Variants in THSD7B observed in about 807,000 individuals in gnomAD.
The protein encoded by THSD7B is thrombospondin type 1 domain containing 7B, also known as thrombospondin type-1 domain-containing protein 7B.
THSD7B carries 138 observed loss-of-function variants against 213.6 expected under a neutral mutation model. That is an observed-to-expected ratio of 0.65 (90% CI 0.56 to 0.74). The LOEUF (loss-of-function observed/expected upper bound fraction) is 0.74. Among genes scored for constraint, THSD7B ranks in the 30% least tolerant of loss-of-function variants. The pLI is 0.00. For synonymous variants in THSD7B, 742 were observed against 687.0 expected (o/e 1.08, Z -1.25); for missense variants, 1,931 against 1,991.5 (o/e 0.97, Z 0.58).
intron 7 of THSD7B, among the ~76,000 whole-genome samples, chr2:137,218,186 T>C (rs1250487089): frequency 1.3e-5 from 2 of 152,160 alleles, no homozygotes; most frequent in African/African-American, 4.8e-5. Flanking sequence ...ATGTTTCTTT[T>C]TTATTTTAAT....
intron 2 of THSD7B, among the ~76,000 whole-genome samples, chr2:136,969,714 C>T (rs1026960289): frequency 1.3e-5 from 2 of 152,118 alleles, no homozygotes; most frequent in Admixed American, 1.3e-4. Context: ...AGAAGATTTT[C>T]TTTATAGAAA....
chr2:137,354,023 A>G (rs865924321), intron 12 of THSD7B, among the ~76,000 whole-genome samples: 18 of 152,010 alleles, frequency 1.2e-4, no homozygotes, highest in African/African-American at 3.9e-4. Context: ...TCTGTCCCAG[A>G]CTAATCCTGT....
intron 15 of THSD7B, among the ~76,000 whole-genome samples, chr2:137,502,411 AAGAG>A (rs1191941038): frequency 6.6e-6 from 1 of 152,102 alleles, no homozygotes; most frequent in African/African-American, 2.4e-5. Flanking sequence ...TGGATAGAAA[AAGAG>A]AGAAAAACAA....
intron 1 of THSD7B, among the ~76,000 whole-genome samples, chr2:136,864,321 A>T (rs1683299199): frequency 6.6e-6 from 1 of 152,202 alleles, no homozygotes; most frequent in South Asian, 2.1e-4. Flanking sequence ...TGCAAAATTC[A>T]AGTAGTCTGA....
At chr2:136,966,471 C>T (rs905522041) in intron 2 of THSD7B, among the ~76,000 whole-genome samples, 1 of 152,188 alleles carries the variant, frequency 6.6e-6, no homozygotes, top group African/African-American at 2.4e-5. Context: ...CCCAGCTCAG[C>T]CTCCAAAAGT....
intron 2 of THSD7B, among the ~76,000 whole-genome samples, chr2:136,924,012 C>T (rs1684481052): frequency 1.3e-5 from 2 of 152,194 alleles, no homozygotes; most frequent in Non-Finnish European, 2.9e-5. Context: ...GGTGTCATAT[C>T]CAAGAAATCA....
At chr2:136,965,704 A>C (rs1162044456) in intron 2 of THSD7B, among the ~76,000 whole-genome samples, 1 of 152,092 alleles carries the variant, frequency 6.6e-6, no homozygotes, top group Non-Finnish European at 1.5e-5. Context: ...TGTCCAGTTG[A>C]GATAATGGTT....
At chr2:137,515,628 T>A (rs764383005) in intron 15 of THSD7B, among the ~76,000 whole-genome samples, 9 of 152,054 alleles carry the variant, frequency 5.9e-5, no homozygotes, top group Admixed American at 2.0e-4. Context: ...GAACACAGAG[T>A]TGAATCAGGC....
chr2:137,094,903 T>C lies in THSD7B; in HGVS notation c.981T>C (p.Thr327=). ...GCCTTCAAGATTCCTTCCCATTGACTGTTCAGTCCTGCATCATGCCCAAAG... is the reference window on the plus strand; with the variant it reads ...GCCTTCAAGATTCCTTCCCATTGACCGTTCAGTCCTGCATCATGCCCAAAG... ...SLCLQDSFPL[T]VQSCIMPKDC... The change falls in exon 4 of 28, where the codon ACT becomes ACC. Residue 327 remains threonine (T), a synonymous_variant. Coordinates refer to ENST00000409968, the MANE Select transcript of THSD7B (RefSeq NM_001316349.2). The C allele has an allele frequency of 6.2e-7, 1 of 1,613,630 alleles. No homozygotes were observed. Among genetic ancestry groups the C allele is most frequent in the Non-Finnish European group, 8.5e-7 (1 of 1,179,650 alleles).
chr2:137,476,358 G>C (rs908849214), intron 15 of THSD7B, among the ~76,000 whole-genome samples: 6 of 151,620 alleles, frequency 4.0e-5, no homozygotes, highest in Non-Finnish European at 5.9e-5. Context: ...CTTTTTGCTT[G>C]TGCTTTTGAG....
intron 20 of THSD7B, among the ~76,000 whole-genome samples, chr2:137,622,528 A>G (rs1438083223): frequency 6.6e-6 from 1 of 152,192 alleles, no homozygotes; most frequent in East Asian, 1.9e-4. Context: ...AAAAAAATCA[A>G]TGAATCCAGG....
At chr2:136,851,161 C>T (rs1201484924) in intron 1 of THSD7B, among the ~76,000 whole-genome samples, 1 of 151,968 alleles carries the variant, frequency 6.6e-6, no homozygotes, top group Non-Finnish European at 1.5e-5. Context: ...TGCTTGATAC[C>T]TAACATATTC....
chr2:137,152,006 A>ATTTT (rs201462563), intron 5 of THSD7B, among the ~76,000 whole-genome samples: 1 of 137,642 alleles, frequency 7.3e-6, no homozygotes, highest in Admixed American at 7.2e-5. Context: ...AGCTACCTTA[A>ATTTT]TTTTTTTTTT....
intron 7 of THSD7B, among the ~76,000 whole-genome samples, chr2:137,199,624 T>G (rs1477920141): frequency 4.6e-5 from 7 of 152,166 alleles, no homozygotes; most frequent in African/African-American, 1.7e-4. Flanking sequence ...GCTCATTTTA[T>G]GAAGTGGAAA....
chr2:137,534,443 TTC>T (rs1176475164), intron 15 of THSD7B, among the ~76,000 whole-genome samples: 8 of 151,736 alleles, frequency 5.3e-5, no homozygotes, highest in African/African-American at 1.9e-4. Flanking sequence ...TTTCCATTTT[TTC>T]TCTGAGGAGA....
intron 26 of THSD7B, among the ~76,000 whole-genome samples, chr2:137,666,267 C>G (rs1336272381): frequency 6.6e-6 from 1 of 151,994 alleles, no homozygotes; most frequent in Non-Finnish European, 1.5e-5. Context: ...GGAGCATTCT[C>G]ACTCAGGAAA....
chr2:137,073,188 C>G (rs980110871), intron 3 of THSD7B, among the ~76,000 whole-genome samples: 1 of 152,082 alleles, frequency 6.6e-6, no homozygotes, highest in African/African-American at 2.4e-5. Context: ...GGTACCAGTT[C>G]CTCTTTGTAC....
intron 3 of THSD7B, among the ~76,000 whole-genome samples, chr2:137,077,891 G>T (rs997539719): frequency 7.2e-5 from 11 of 152,112 alleles, no homozygotes; most frequent in African/African-American, 2.7e-4. Flanking sequence ...TAGACATGAA[G>T]TCCTTGTCCA....
intron 2 of THSD7B, among the ~76,000 whole-genome samples, chr2:136,893,544 CAT>C (rs1683901190): frequency 6.6e-6 from 1 of 152,062 alleles, no homozygotes; most frequent in African/African-American, 2.4e-5. Context: ...GGAATTGAAT[CAT>C]AAACTAAAGA....
Sources: allele counts gnomAD v4.1 joint callset (sites outside exome capture counted in the v4.1 genomes callset), GRCh38; gene constraint gnomAD v4.1.1; transcripts MANE v1.5; gene names NCBI Gene and HGNC (gene_info 2026-07-23, HGNC 2026-07-21).